SLC7A7: variants seen among roughly 807,000 people sequenced by gnomAD.
The protein encoded by SLC7A7 is Y+L amino acid transporter 1.
A neutral mutation model predicts 47.9 loss-of-function variants in SLC7A7; 39 were observed. The observed-to-expected ratio is 0.81, with a 90% confidence interval of 0.63 to 1.06. The LOEUF is 1.06. Ranked by LOEUF, SLC7A7 falls within the 50% of genes least tolerant of loss-of-function variation. The probability of loss-of-function intolerance (pLI) is 0.00; values close to 1 mark genes in which losing one functional copy is unlikely to be tolerated. For synonymous variants in SLC7A7, 234 were observed against 242.8 expected (o/e 0.96, Z 0.34); for missense variants, 588 against 632.0 (o/e 0.93, Z 0.75).
intron 2 of SLC7A7, among the ~76,000 whole-genome samples, chr14:22,798,884 C>T (rs2039062962): frequency 6.6e-6 from 1 of 152,120 alleles, no homozygotes; most frequent in African/African-American, 2.4e-5. Context: ...GTATGCTGCC[C>T]TTGCTCTGTG....
Position 22,793,513 on chromosome 14 carries a change from T to C in SLC7A7, c.500-13462A>G, listed in dbSNP as rs2038962074. Among the ~76,000 whole-genome samples the C allele has an allele frequency of 3.3e-5, 5 of 152,150 alleles. No homozygotes were observed. The South Asian group carries it at 1.0e-3, about 32-fold the overall frequency. ...GTAGGACTAACATTAGCCACAAGAT[T>C]AGAAATTATGGTTTAGGGCTGGGCA... On this transcript the variant is annotated intron_variant, in intron 2 of 9. Coordinates refer to ENST00000674313, the MANE Select transcript of SLC7A7 (RefSeq NM_003982.4).
Position 22,812,790 on chromosome 14 carries a change from T to TATATATATATATATATA in SLC7A7, c.499+109_499+110insTATATATATATATATAT, listed in dbSNP as rs2039333654. 3 of 772,334 alleles carry TATATATATATATATATA rather than the reference T, an allele frequency of 3.9e-6. No homozygotes were observed. In the South Asian group the frequency reaches 5.9e-5, roughly 15 times the overall value. 47.8% of individuals were successfully genotyped at this position (772,334 alleles called of 1,614,324 possible). On this transcript the variant is annotated intron_variant, in intron 2 of 9. Transcript: ENST00000674313. ...TACTTTAACTATATATATATATATATATGTTGTCAGAGACATTCCTCTCTA... is the reference window on the plus strand; with the variant it reads ...TACTTTAACTATATATATATATATATATATATATATATATATAATGTTGTCAGAGACATTCCTCTCTA...
At chr14:22,809,271 C>T (rs1159500286) in intron 2 of SLC7A7, among the ~76,000 whole-genome samples, 3 of 152,074 alleles carry the variant, frequency 2.0e-5, no homozygotes, top group African/African-American at 4.8e-5. Flanking sequence ...CTCTGCTTCC[C>T]GGGTTCAAGC....
chr14:22,799,229 A>C (rs2039067778), intron 2 of SLC7A7, among the ~76,000 whole-genome samples: 2 of 152,208 alleles, frequency 1.3e-5, no homozygotes, highest in Middle Eastern at 3.4e-3. Context: ...ACAGGTAGTC[A>C]TTCATTCCTT....
Position 22,774,075 on chromosome 14 carries a change from G to A in SLC7A7, c.1287C>T (p.Ile429=). Residue 429 remains isoleucine (I), a synonymous_variant, in exon 9 of 10, where the codon ATC becomes ATT. Transcript: ENST00000674313. The part of the protein sequence containing the change: ...FFPIVFCLCT[I]FLVAVPLYSD... Reference sequence around the variant, plus strand: ...TGTAAAGTGGAACAGCCACCAGGAAGATGGTGCAGAGGCAGAAGACAATCG... The same window carrying A: ...TGTAAAGTGGAACAGCCACCAGGAAAATGGTGCAGAGGCAGAAGACAATCG... The A allele has an allele frequency of 1.2e-6, 2 of 1,614,216 alleles. No individual in the cohort carries two copies. The highest frequency in any genetic ancestry group is 1.7e-6 in the Non-Finnish European group (2 of 1,180,040).
At chr14:22,792,543 T>C (rs1318993946) in intron 2 of SLC7A7, among the ~76,000 whole-genome samples, 1 of 152,092 alleles carries the variant, frequency 6.6e-6, no homozygotes, top group Non-Finnish European at 1.5e-5. Context: ...AAAGCAAGAC[T>C]TCGTCTCAGA....
At chr14:22,815,748 C>T (rs771357336), upstream of SLC7A7, 105 of 448,082 alleles carry the variant, frequency 2.3e-4, no homozygotes, top group Non-Finnish European at 5.4e-5. Flanking sequence ...TAGCTGAGGA[C>T]AGGACAGTAG....
At chr14:22,796,724 A>G (rs1440385165) in intron 2 of SLC7A7, among the ~76,000 whole-genome samples, 2 of 152,188 alleles carry the variant, frequency 1.3e-5, no homozygotes, top group Admixed American at 6.5e-5. Flanking sequence ...GTAAGGCAAG[A>G]ACAGTCATGT....
At chr14:22,775,704 C>G in intron 6 of SLC7A7, 129 bp downstream of exon 6, 1 of 932,586 alleles carries the variant, frequency 1.1e-6, no homozygotes, top group Non-Finnish European at 1.8e-6. Context: ...CAGGCTTCTG[C>G]TAGAAACAAG....
upstream of SLC7A7, chr14:22,815,698 G>C (rs1356141620): frequency 6.6e-6 from 3 of 453,870 alleles, no homozygotes; most frequent in African/African-American, 6.0e-5. Context: ...TCAGCTGAGT[G>C]CAGTATCTGT....
chr14:22,791,491 G>A (rs925103531), intron 2 of SLC7A7, among the ~76,000 whole-genome samples: 9 of 152,142 alleles, frequency 5.9e-5, no homozygotes, highest in African/African-American at 1.9e-4. Flanking sequence ...ATTAGCAGAA[G>A]GATAGCAGTC....
chr14:22,773,678 C>G lies in SLC7A7; in HGVS notation c.1468G>C (p.Val490Leu), dbSNP rs998787372. 15 of 1,614,076 alleles carry G rather than the reference C, an allele frequency of 9.3e-6. No individual in the cohort carries two copies. In the African/African-American group the frequency reaches 9.3e-5, roughly 10 times the overall value. The change falls in exon 10 of 10, where the codon GTT (valine) becomes CTT (leucine). Residue 490 changes from valine to leucine, a missense_variant. Coordinates refer to ENST00000674313, the MANE Select transcript of SLC7A7 (RefSeq NM_003982.4). ...TCTTCCAAATCCATTTCTGCAGCAA[C>G]TGACATACACAGGACCTGGAGGTAC... Reference protein sequence around the residue: ...TRYLQVLCMSVAAEMDLEDGG... With the variant: ...TRYLQVLCMSLAAEMDLEDGG...
At chr14:22,798,971 G>A (rs905319096) in intron 2 of SLC7A7, among the ~76,000 whole-genome samples, 5 of 152,056 alleles carry the variant, frequency 3.3e-5, no homozygotes, top group Admixed American at 2.6e-4. Context: ...GCTGTGTGAG[G>A]GCAGAGAGTG....
chr14:22,778,609 A>C (rs185595156), intron 4 of SLC7A7, among the ~76,000 whole-genome samples, 184 bp downstream of exon 4: 6 of 152,390 alleles, frequency 3.9e-5, no homozygotes, highest in Admixed American at 3.9e-4. Context: ...GAGTAAGTTC[A>C]TATTTTAGCC....
In SLC7A7 at chr14:22,812,773, C is replaced by CTATATATATATATATATA. The variant is rs58930730; in HGVS notation, c.499+109_499+126dup. On this transcript the variant is annotated intron_variant, in intron 2 of 9. Transcript: ENST00000674313. Reference sequence around the variant, plus strand: ...AATTTTCACACAAAGCATACTTTAACTATATATATATATATATATGTTGTC... The same window carrying CTATATATATATATATATA: ...AATTTTCACACAAAGCATACTTTAACTATATATATATATATATATATATATATATATATATATGTTGTC... 572 of 439,340 alleles carry CTATATATATATATATATA rather than the reference C, an allele frequency of 1.3e-3. 19 individuals carry two copies. The highest frequency in any genetic ancestry group is 9.7e-3 in the African/African-American group (383 of 39,340). The allele number at this position is 439,340 out of a possible 1,614,324, so 27.2% of individuals were successfully genotyped here. A position where few individuals can be genotyped will look rare whatever the true frequency, so the allele number is the denominator to read the frequency against.
chr14:22,786,718 G>A (rs2038823947), intron 2 of SLC7A7, among the ~76,000 whole-genome samples: 1 of 152,164 alleles, frequency 6.6e-6, no homozygotes, highest in Non-Finnish European at 1.5e-5. Context: ...AGGATCGCTT[G>A]AGTCCAGGAG....
chr14:22,813,789 ATT>A lies in SLC7A7; in HGVS notation c.-42-351_-42-350del, dbSNP rs34654418. Reference sequence around the variant, plus strand: ...AGGCACCTGCCACCACGCGTGGCTAATTTTTTTTTTTTTTTTTTGAGATGGAG... The same window carrying A: ...AGGCACCTGCCACCACGCGTGGCTAATTTTTTTTTTTTTTTTGAGATGGAG... On this transcript the variant is annotated intron_variant, in intron 1 of 9. Transcript: ENST00000674313. 4.6e-4 allele frequency among the ~76,000 whole-genome samples: 44 copies of A among 96,282 alleles called. No individual in the cohort carries two copies. In the East Asian group the frequency reaches 0.013, roughly 29 times the overall value. The allele number at this position is 96,282 out of a possible 152,430, so 63.2% of individuals were successfully genotyped here. A position where few individuals can be genotyped will look rare whatever the true frequency, so the allele number is the denominator to read the frequency against.
At chr14:22,800,857 T>C (rs1382383322) in intron 2 of SLC7A7, among the ~76,000 whole-genome samples, 7 of 151,862 alleles carry the variant, frequency 4.6e-5, no homozygotes, top group African/African-American at 1.7e-4. Context: ...GAGAATTGCT[T>C]GAATCTGAGA....
rs147635589 is a variant in SLC7A7 at position 22,779,599 on chromosome 14, C to T, written c.625+327G>A. Among the ~76,000 whole-genome samples the T allele has an allele frequency of 3.9e-3, 597 of 152,018 alleles. 11 individuals carry two copies. Among genetic ancestry groups the T allele is most frequent in the African/African-American group, 0.013 (544 of 41,472 alleles). ...CCTCCCGAGTAGCTGGGATTACAGG[C>T]GCCTGCCACCATGCCCGGCTAATTT... is the stretch of plus-strand genomic sequence containing the variant. On this transcript the variant is annotated intron_variant, in intron 3 of 9. Coordinates refer to ENST00000674313, the MANE Select transcript of SLC7A7 (RefSeq NM_003982.4).
Sources: allele counts gnomAD v4.1 joint callset (sites outside exome capture counted in the v4.1 genomes callset), GRCh38; gene constraint gnomAD v4.1.1; transcripts MANE v1.5; gene names NCBI Gene and HGNC (gene_info 2026-07-23, HGNC 2026-07-21).